CCSER1: variants seen among roughly 807,000 people sequenced by gnomAD.
CCSER1 encodes the protein serine-rich coiled-coil domain-containing protein 1.
A neutral mutation model predicts 82.0 loss-of-function variants in CCSER1; 41 were observed. The ratio of observed to expected loss-of-function variants is 0.50; its 90% CI spans 0.39 to 0.65. CCSER1 has a LOEUF of 0.65. Ranked by LOEUF, CCSER1 falls within the 30% of genes least tolerant of loss-of-function variation. CCSER1 has a pLI of 0.00. For missense variants in CCSER1, 1,119 were observed against 1,064.2 expected, an observed-to-expected ratio of 1.05 and a Z score of -0.72; for synonymous variants, 414 against 383.9, an observed-to-expected ratio of 1.08 and a Z score of -0.92.
chr4:90,611,059 C>CTTTTTTTTTTTTTTTTTTTTTT lies in CCSER1; in HGVS notation c.1725-16946_1725-16945insTTTTTTTTTTTTTTTTTTTTTT, dbSNP rs201354908. On this transcript the variant is annotated intron_variant, in intron 5 of 10. Transcript: ENST00000509176. ...TGCCTGGCTAATTTTCTTTTCTTTTCTTTTTTTTTTTTTTTTTTTTGTAGA... is the reference window on the plus strand; with the variant it reads ...TGCCTGGCTAATTTTCTTTTCTTTTCTTTTTTTTTTTTTTTTTTTTTTTTTTTTTTTTTTTTTTTTTTGTAGA... 1.8e-3 allele frequency among the ~76,000 whole-genome samples: 172 copies of CTTTTTTTTTTTTTTTTTTTTTT among 93,810 alleles called. 14 individuals are homozygous for CTTTTTTTTTTTTTTTTTTTTTT. Among genetic ancestry groups the CTTTTTTTTTTTTTTTTTTTTTT allele is most frequent in the East Asian group, 3.2e-3 (10 of 3,080 alleles). 61.5% of individuals were successfully genotyped at this position (93,810 alleles called of 152,430 possible). A position where few individuals can be genotyped will look rare whatever the true frequency, so the allele number is the denominator to read the frequency against.
chr4:90,168,780 G>A (rs183018146), intron 1 of CCSER1, among the ~76,000 whole-genome samples: 6,841 of 95,280 alleles, frequency 0.072, 675 homozygotes, highest in East Asian at 0.26. Context: ...AAGATCAGAT[G>A]GTTGTAGGTA....
intron 4 of CCSER1, among the ~76,000 whole-genome samples, chr4:90,405,029 G>A (rs145726965): frequency 2.6e-4 from 40 of 152,154 alleles, no homozygotes; most frequent in African/African-American, 5.8e-4. Context: ...CTGAATTGCC[G>A]TAAAAAGAAT....
chr4:91,164,829 G>A (rs1322269258), intron 10 of CCSER1, among the ~76,000 whole-genome samples: 1 of 152,072 alleles, frequency 6.6e-6, no homozygotes, highest in African/African-American at 2.4e-5. Flanking sequence ...TTAGCCATTC[G>A]TCTAATTATT....
At chr4:91,160,272 C>A (rs1731250956) in intron 10 of CCSER1, among the ~76,000 whole-genome samples, 1 of 152,194 alleles carries the variant, frequency 6.6e-6, no homozygotes. Flanking sequence ...ATATGTGCCA[C>A]ATTTTCTTAA....
intron 6 of CCSER1, among the ~76,000 whole-genome samples, chr4:90,636,128 A>G (rs1725375527): frequency 6.6e-6 from 1 of 151,976 alleles, no homozygotes; most frequent in Admixed American, 6.6e-5. Context: ...AATCACTACA[A>G]ATCCTGCAGA....
At chr4:90,725,740 G>A (rs1265297431) in intron 7 of CCSER1, among the ~76,000 whole-genome samples, 1 of 151,604 alleles carries the variant, frequency 6.6e-6, no homozygotes, top group African/African-American at 2.4e-5. Context: ...AATCTTAACA[G>A]TATAAAGCAT....
chr4:90,424,473 A>G (rs369852730), intron 4 of CCSER1, among the ~76,000 whole-genome samples: 1 of 152,316 alleles, frequency 6.6e-6, no homozygotes, highest in East Asian at 1.9e-4. Context: ...ATTTCTTTAC[A>G]TGCATACATG....
chr4:90,551,677 A>G (rs1373701978), intron 5 of CCSER1, among the ~76,000 whole-genome samples: 1 of 38,546 alleles, frequency 2.6e-5, no homozygotes, highest in Non-Finnish European at 5.7e-5. Flanking sequence ...AAAAAATATA[A>G]TTCTCTCTCT....
At chr4:90,418,319 T>C (rs186678069) in intron 4 of CCSER1, among the ~76,000 whole-genome samples, 11 of 152,074 alleles carry the variant, frequency 7.2e-5, no homozygotes, top group South Asian at 6.2e-4. Flanking sequence ...CATCTGATTC[T>C]GACAGATTTA....
chr4:90,137,634 T>C lies in CCSER1; in HGVS notation c.-42+9803T>C, dbSNP rs560672284. Among the ~76,000 whole-genome samples the C allele has an allele frequency of 6.6e-4, 101 of 152,332 alleles. 2 individuals carry two copies. In the South Asian group the frequency reaches 0.02, roughly 30 times the overall value. On this transcript the variant is annotated intron_variant, in intron 1 of 10. Coordinates refer to ENST00000509176, the MANE Select transcript of CCSER1 (RefSeq NM_001145065.2). ...TTTTAAAAGCTAAGGAATTATAATT[T>C]GAATACAAAACAGATTAGTAAATTT...
At chr4:90,171,269 T>A (rs1386552739) in intron 1 of CCSER1, among the ~76,000 whole-genome samples, 1 of 151,834 alleles carries the variant, frequency 6.6e-6, no homozygotes, top group African/African-American at 2.4e-5. Flanking sequence ...TAAGAGAATT[T>A]TCAGTGTCCT....
intron 10 of CCSER1, among the ~76,000 whole-genome samples, chr4:91,223,216 T>C (rs1464563546): frequency 6.6e-6 from 1 of 151,926 alleles, no homozygotes; most frequent in Non-Finnish European, 1.5e-5. Flanking sequence ...GAGCAGGCAA[T>C]AGATAGTGAG....
chr4:91,392,363 GCACACACACA>G (rs142343973), intron 10 of CCSER1, among the ~76,000 whole-genome samples: 2 of 148,118 alleles, frequency 1.4e-5, no homozygotes, highest in South Asian at 2.1e-4. Flanking sequence ...ACCTACACAT[GCACACACACA>G]CACACACACA....
intron 3 of CCSER1, among the ~76,000 whole-genome samples, chr4:90,324,077 C>T (rs146616021): frequency 0.01 from 1,576 of 152,254 alleles, 10 homozygotes; most frequent in Middle Eastern, 0.017. Context: ...CATGGTTGGA[C>T]ATTTGGGTTG....
At chr4:91,362,557 G>A (rs1475155704) in intron 10 of CCSER1, among the ~76,000 whole-genome samples, 2 of 151,792 alleles carry the variant, frequency 1.3e-5, no homozygotes, top group Admixed American at 1.3e-4. Context: ...ACTACTCACA[G>A]TTTAATGCTA....
chr4:90,852,635 A>T (rs939049362), intron 8 of CCSER1, among the ~76,000 whole-genome samples: 1 of 152,210 alleles, frequency 6.6e-6, no homozygotes, highest in Admixed American at 6.5e-5. Flanking sequence ...GACAAAGCTT[A>T]ACATCATGCT....
intron 10 of CCSER1, among the ~76,000 whole-genome samples, chr4:91,202,515 T>A (rs1003515857): frequency 5.9e-5 from 9 of 152,008 alleles, no homozygotes; most frequent in Non-Finnish European, 1.2e-4. Flanking sequence ...ACTAGTAGCC[T>A]TTGTCACAAT....
In CCSER1 at chr4:90,323,171, C is replaced by T. The variant is rs549486358; in HGVS notation, c.1509+10124C>T. 2.0e-5 allele frequency among the ~76,000 whole-genome samples: 3 copies of T among 152,272 alleles called. No individual in the cohort carries two copies. The South Asian group carries it at 6.2e-4, about 32-fold the overall frequency. On this transcript the variant is annotated intron_variant, in intron 3 of 10. Coordinates refer to ENST00000509176, the MANE Select transcript of CCSER1 (RefSeq NM_001145065.2). The stretch of plus-strand genomic sequence containing the variant: ...TCCTCTGTACTCCTCCCTCTCCTTT[C>T]CTCAAGCAGGAGTCTCTCCCCATGC...
At chr4:90,970,220 C>T (rs1734967702) in intron 9 of CCSER1, among the ~76,000 whole-genome samples, 1 of 151,772 alleles carries the variant, frequency 6.6e-6, no homozygotes, top group Non-Finnish European at 1.5e-5. Context: ...CTTGCTTTAG[C>T]TTTAACAACA....
Sources: allele counts gnomAD v4.1 joint callset (sites outside exome capture counted in the v4.1 genomes callset), GRCh38; gene constraint gnomAD v4.1.1; transcripts MANE v1.5; gene names NCBI Gene and HGNC (gene_info 2026-07-23, HGNC 2026-07-21).